The following FGD4 variants were observed in gnomAD, a reference collection of about 807,000 sequenced individuals.
The protein encoded by FGD4 is FYVE, RhoGEF and PH domain containing 4.
FGD4 carries 42 observed loss-of-function variants against 102.0 expected under a neutral mutation model. The ratio of observed to expected loss-of-function variants is 0.41; its 90% CI spans 0.32 to 0.53. The LOEUF (loss-of-function observed/expected upper bound fraction) is 0.53, where lower values mean the gene tolerates loss of function less well. Among genes scored for constraint, FGD4 ranks in the 20% least tolerant of loss-of-function variants. The pLI is 0.21. For synonymous variants in FGD4, 380 were observed against 375.7 expected (o/e 1.01, Z -0.13); for missense variants, 902 against 1,078.2 (o/e 0.84, Z 2.29).
intron 10 of FGD4, among the ~76,000 whole-genome samples, chr12:32,614,541 C>T (rs562599339): frequency 6.6e-6 from 1 of 152,294 alleles, no homozygotes; most frequent in African/African-American, 2.4e-5. Context: ...AAGATTTTAG[C>T]AGAAAAACAC....
intron 1 of FGD4, among the ~76,000 whole-genome samples, chr12:32,469,972 A>G (rs928024717): frequency 5.3e-5 from 8 of 152,074 alleles, no homozygotes; most frequent in African/African-American, 1.9e-4. Flanking sequence ...CCAATTTTCT[A>G]TTAATAGACT....
intron 1 of FGD4, among the ~76,000 whole-genome samples, chr12:32,403,785 CG>C (rs1940798366): frequency 6.6e-6 from 1 of 151,850 alleles, no homozygotes; most frequent in Admixed American, 6.6e-5. Flanking sequence ...TTAGTAGAGA[CG>C]GGGTTTCACC....
chr12:32,402,638 GT>G (rs544959886), intron 1 of FGD4, among the ~76,000 whole-genome samples: 1 of 150,800 alleles, frequency 6.6e-6, no homozygotes, highest in Non-Finnish European at 1.5e-5. Flanking sequence ...ACCCAGAGCA[GT>G]TTTTTTTAAA....
At chr12:32,622,216 T>C (rs1314833582) in intron 11 of FGD4, among the ~76,000 whole-genome samples, 3 of 152,162 alleles carry the variant, frequency 2.0e-5, no homozygotes, top group Non-Finnish European at 4.4e-5. Context: ...ATAGTTTTCA[T>C]TGCAGAAAGA....
chr12:32,620,693 A>ATTTT lies in FGD4; in HGVS notation c.1922+842_1922+845dup, dbSNP rs1208809588. ...AGGCGCCTGCCACCACACCTGGCTA[A>ATTTT]TTTTTTTTTTTTTTTTTTTTTTGAG... On this transcript the variant is annotated intron_variant, in intron 11 of 16. Coordinates refer to ENST00000534526, the MANE Select transcript of FGD4 (RefSeq NM_001370298.3). Among the ~76,000 whole-genome samples, 767 of 97,038 alleles carry ATTTT rather than the reference A, an allele frequency of 7.9e-3. 22 individuals carry two copies. Among genetic ancestry groups the ATTTT allele is most frequent in the Non-Finnish European group, 9.3e-3 (467 of 50,224 alleles). 63.7% of individuals were successfully genotyped at this position (97,038 alleles called of 152,430 possible).
At chr12:32,490,396 A>C (rs138587382) in intron 1 of FGD4, among the ~76,000 whole-genome samples, 5,150 of 131,952 alleles carry the variant, frequency 0.039, 162 homozygotes, top group South Asian at 0.15. Context: ...GATTTTTATC[A>C]GTCTTTTTTT....
intron 1 of FGD4, among the ~76,000 whole-genome samples, chr12:32,435,781 A>G (rs1047988559): frequency 5.9e-5 from 9 of 152,190 alleles, no homozygotes; most frequent in Non-Finnish European, 1.5e-5. Flanking sequence ...CATCTAGTCC[A>G]TGGTTTTCAT....
intron 1 of FGD4, among the ~76,000 whole-genome samples, chr12:32,415,566 G>A (rs1346548958): frequency 6.6e-6 from 1 of 151,898 alleles, no homozygotes; most frequent in Non-Finnish European, 1.5e-5. Context: ...GGGACTACAG[G>A]CACCTGCCAC....
rs942642991 is a variant in FGD4 at position 32,551,487 on chromosome 12, G to T, written c.167-12650G>T. ...ATAGATGACAAAATTGAAGTACAGG[G>T]AAAGTAAGTCATTCACCCAGCTGAT... On this transcript the variant is annotated intron_variant, in intron 1 of 16. Coordinates refer to ENST00000534526, the MANE Select transcript of FGD4 (RefSeq NM_001370298.3). 3.3e-5 allele frequency among the ~76,000 whole-genome samples: 5 copies of T among 152,118 alleles called. No individual in the cohort carries two copies. In the East Asian group the frequency reaches 9.6e-4, roughly 29 times the overall value.
At chr12:32,533,358 A>G (rs756860258) in intron 1 of FGD4, among the ~76,000 whole-genome samples, 5 of 152,200 alleles carry the variant, frequency 3.3e-5, no homozygotes, top group Non-Finnish European at 7.3e-5. Flanking sequence ...TTCCCCAGTG[A>G]GGGAGAATGT....
chr12:32,539,286 C>T (rs927705969), intron 1 of FGD4, among the ~76,000 whole-genome samples: 8 of 151,636 alleles, frequency 5.3e-5, no homozygotes, highest in East Asian at 1.9e-4. Context: ...AACCAATACA[C>T]GGGCCAGGTG....
At chr12:32,612,347 C>T (rs145999802) in intron 10 of FGD4, among the ~76,000 whole-genome samples, 1,738 of 152,286 alleles carry the variant, frequency 0.011, 15 homozygotes, top group South Asian at 0.018. Context: ...GCTCCAGGCT[C>T]GCCTTTGGCA....
intron 1 of FGD4, among the ~76,000 whole-genome samples, chr12:32,447,961 G>A (rs1356386652): frequency 6.6e-6 from 1 of 152,200 alleles, no homozygotes; most frequent in Admixed American, 6.5e-5. Context: ...TATTTTCACT[G>A]TTTGTTTTTG....
At chr12:32,467,237 C>G (rs557901141) in intron 1 of FGD4, among the ~76,000 whole-genome samples, 1 of 152,064 alleles carries the variant, frequency 6.6e-6, no homozygotes, top group East Asian at 1.9e-4. Flanking sequence ...AAAATAAACC[C>G]TTTTTTCATT....
intron 1 of FGD4, among the ~76,000 whole-genome samples, chr12:32,430,417 C>A (rs996331115): frequency 6.6e-6 from 1 of 152,014 alleles, no homozygotes; most frequent in Non-Finnish European, 1.5e-5. Context: ...TAACTCAAAT[C>A]CTCTATTGCT....
Position 32,605,682 on chromosome 12 carries a change from A to G in FGD4, c.1405-2275A>G, listed in dbSNP as rs1033054864. Among the ~76,000 whole-genome samples the G allele has an allele frequency of 3.3e-5, 5 of 152,316 alleles. No individual in the cohort carries two copies. In the East Asian group the frequency reaches 7.7e-4, roughly 23 times the overall value. On this transcript the variant is annotated intron_variant, in intron 7 of 16. Coordinates refer to ENST00000534526, the MANE Select transcript of FGD4 (RefSeq NM_001370298.3). ...TTCCATCTGACTTTTTAGGCCTTAC[A>G]TAGAGTAGATAATTATTCTGATATG...
At chr12:32,429,101 G>A (rs1000285721) in intron 1 of FGD4, among the ~76,000 whole-genome samples, 1 of 152,152 alleles carries the variant, frequency 6.6e-6, no homozygotes, top group Non-Finnish European at 1.5e-5. Flanking sequence ...CAGAGAAGAG[G>A]TGTTCTGGTT....
intron 1 of FGD4, among the ~76,000 whole-genome samples, chr12:32,481,733 A>T (rs1943771915): frequency 6.6e-6 from 1 of 151,688 alleles, no homozygotes; most frequent in Non-Finnish European, 1.5e-5. Flanking sequence ...AGGTGGAAGG[A>T]TCTCTTGAAC....
At chr12:32,515,364 C>G (rs1565791861) in intron 1 of FGD4, among the ~76,000 whole-genome samples, 1 of 152,118 alleles carries the variant, frequency 6.6e-6, no homozygotes, top group African/African-American at 2.4e-5. Context: ...GGTTTTTGTC[C>G]TGGTCATTGT....
Sources: gnomAD v4.1 joint callset for allele counts (sites outside exome capture counted in the v4.1 genomes callset) on GRCh38, gnomAD v4.1.1 for gene constraint, MANE v1.5 for transcripts, NCBI Gene and HGNC (gene_info 2026-07-23, HGNC 2026-07-21) for gene names.